The following FBXW11 variants were observed in gnomAD, a reference collection of about 807,000 sequenced individuals.
FBXW11 encodes F-box/WD repeat-containing protein 11.
Under a neutral mutation model 77.6 loss-of-function variants are expected in FBXW11, and 19 were observed. That is an observed-to-expected ratio of 0.24 (90% CI 0.17 to 0.36). The LOEUF (loss-of-function observed/expected upper bound fraction) is 0.36, where lower values mean the gene tolerates loss of function less well. Among genes scored for constraint, FBXW11 ranks in the 10% least tolerant of loss-of-function variants. The probability of loss-of-function intolerance (pLI) is 1.00; values close to 1 mark genes in which losing one functional copy is unlikely to be tolerated. For synonymous variants in FBXW11, 235 were observed against 249.4 expected (o/e 0.94, Z 0.54); for missense variants, 334 against 704.2 (o/e 0.47, Z 5.95).
intron 1 of FBXW11, among the ~76,000 whole-genome samples, chr5:171,970,980 T>C (rs776837558): frequency 2.0e-5 from 3 of 152,204 alleles, no homozygotes; most frequent in Non-Finnish European, 4.4e-5. Flanking sequence ...ATGTCTTTGA[T>C]TCCCTTCACA....
intron 2 of FBXW11, chr5:171,916,536 G>C: frequency 6.0e-6 from 5 of 833,458 alleles, no homozygotes; most frequent in Non-Finnish European, 7.2e-6. Context: ...TTCTGAATGG[G>C]ATGAAGAACA....
intron 1 of FBXW11, among the ~76,000 whole-genome samples, chr5:171,973,769 A>G (rs1358757626): frequency 6.6e-6 from 1 of 152,210 alleles, no homozygotes; most frequent in Non-Finnish European, 1.5e-5. Context: ...TTGGGGAGGT[A>G]AGGGGGATTG....
intron 2 of FBXW11, among the ~76,000 whole-genome samples, chr5:171,952,112 T>C (rs1361594272): frequency 2.0e-5 from 3 of 151,958 alleles, no homozygotes; most frequent in African/African-American, 4.8e-5. Context: ...ATCCCTCTAG[T>C]GACTCCAAAG....
At chr5:171,999,463 T>G (rs1161946654) in intron 1 of FBXW11, among the ~76,000 whole-genome samples, 2 of 152,012 alleles carry the variant, frequency 1.3e-5, no homozygotes, top group African/African-American at 2.4e-5. Flanking sequence ...TATATATTTC[T>G]TCAATCCCTA....
chr5:171,932,954 CAAAAAAAAA>C (rs59324690), intron 2 of FBXW11, among the ~76,000 whole-genome samples: 124 of 50,254 alleles, frequency 2.5e-3, no homozygotes, highest in African/African-American at 8.2e-3. Flanking sequence ...CTGCCTCTAC[CAAAAAAAAA>C]AAAAAAAAAA....
At chr5:171,973,754 G>A (rs777804374) in intron 1 of FBXW11, among the ~76,000 whole-genome samples, 2 of 152,192 alleles carry the variant, frequency 1.3e-5, no homozygotes, top group Admixed American at 1.3e-4. Flanking sequence ...GAAAACTGGG[G>A]AGTGTTGGGG....
At chr5:171,953,352 A>T (rs1763445049) in intron 2 of FBXW11, among the ~76,000 whole-genome samples, 1 of 152,176 alleles carries the variant, frequency 6.6e-6, no homozygotes, top group Admixed American at 6.5e-5. Flanking sequence ...TGAGCAACCC[A>T]AAACGTTCAC....
At chr5:171,911,701 C>T (rs1760892345) in intron 3 of FBXW11, among the ~76,000 whole-genome samples, 2 of 152,184 alleles carry the variant, frequency 1.3e-5, no homozygotes, top group Admixed American at 1.3e-4. Context: ...CTCACAGACT[C>T]TTATACTAAC....
At chr5:171,978,065 A>C (rs1764935251) in intron 1 of FBXW11, among the ~76,000 whole-genome samples, 2 of 152,204 alleles carry the variant, frequency 1.3e-5, no homozygotes, top group Non-Finnish European at 2.9e-5. Flanking sequence ...CTAAAGGACA[A>C]GCAGAGGTTA....
chr5:171,982,905 T>G (rs1765226830), intron 1 of FBXW11, among the ~76,000 whole-genome samples: 1 of 152,050 alleles, frequency 6.6e-6, no homozygotes, highest in South Asian at 2.1e-4. Context: ...GTCATGAAGC[T>G]TCCATAAAAA....
chr5:171,997,761 A>G (rs1766149449), intron 1 of FBXW11, among the ~76,000 whole-genome samples: 1 of 152,224 alleles, frequency 6.6e-6, no homozygotes, highest in South Asian at 2.1e-4. Context: ...TTTTTCTACC[A>G]TATCAAATTA....
intron 1 of FBXW11, among the ~76,000 whole-genome samples, chr5:171,977,035 C>CAA (rs773469488): frequency 8.1e-6 from 1 of 122,950 alleles, no homozygotes; most frequent in African/African-American, 3.0e-5. Flanking sequence ...AACTCCAACT[C>CAA]AAAAAAAAAA....
chr5:171,980,591 T>C (rs542684755), intron 1 of FBXW11, among the ~76,000 whole-genome samples: 28 of 152,274 alleles, frequency 1.8e-4, no homozygotes, highest in South Asian at 6.2e-4. Context: ...AAGTGGGCAA[T>C]AGGCACATAG....
At chr5:171,914,317 T>C (rs917545181) in intron 3 of FBXW11, 26 bp downstream of exon 3, 1 of 1,587,060 alleles carries the variant, frequency 6.3e-7, no homozygotes, top group Non-Finnish European at 8.6e-7. Flanking sequence ...TCAGTTGCTA[T>C]CTAATCTGTG....
Position 171,876,556 on chromosome 5 carries a change from T to C in FBXW11, c.972-22A>G. 1.9e-6 allele frequency: 3 copies of C among 1,607,862 alleles called. No homozygotes were observed. Among genetic ancestry groups the C allele is most frequent in the Non-Finnish European group, 2.6e-6 (3 of 1,174,814 alleles). On this transcript the variant is annotated intron_variant, in intron 8 of 13. Coordinates refer to ENST00000517395, the MANE Select transcript of FBXW11 (RefSeq NM_001378974.1). The surrounding 1 kb of genome is among the most constrained non-coding windows in gnomAD (Gnocchi z 4.2). ...CACTCTAGGAGAGAAGAGAAAAGCA[T>C]GATGCTTAATTATGGAGACAGCCAG...
intron 1 of FBXW11, among the ~76,000 whole-genome samples, chr5:171,978,130 G>C (rs979315243): frequency 2.0e-5 from 3 of 150,888 alleles, no homozygotes; most frequent in African/African-American, 7.3e-5. Context: ...AAATTATAAT[G>C]CTTGTTGTAA....
intron 2 of FBXW11, among the ~76,000 whole-genome samples, chr5:171,915,788 G>A (rs1761193270): frequency 6.6e-6 from 1 of 152,112 alleles, no homozygotes; most frequent in Non-Finnish European, 1.5e-5. Context: ...ATTTGAAGAT[G>A]CTACTTTTCA....
At chr5:171,903,653 G>A (rs989123444) in intron 4 of FBXW11, among the ~76,000 whole-genome samples, 1 of 151,834 alleles carries the variant, frequency 6.6e-6, no homozygotes, top group African/African-American at 2.4e-5. Flanking sequence ...CTTAATATTA[G>A]AACATAGCTA....
intron 2 of FBXW11, among the ~76,000 whole-genome samples, chr5:171,953,489 C>G (rs114487591): frequency 6.6e-6 from 1 of 151,956 alleles, no homozygotes; most frequent in Non-Finnish European, 1.5e-5. Flanking sequence ...TTAGACAGAC[C>G]GACCCTGAAC....
Sources: gnomAD v4.1 joint callset for allele counts (sites outside exome capture counted in the v4.1 genomes callset) on GRCh38, gnomAD v4.1.1 for gene constraint, Gnocchi (gnomAD v3.1) non-coding constraint, MANE v1.5 for transcripts, NCBI Gene and HGNC (gene_info 2026-07-23, HGNC 2026-07-21) for gene names.